The following ECPAS variants were observed in gnomAD, a reference collection of about 807,000 sequenced individuals.
ECPAS encodes Ecm29 proteasome adaptor and scaffold.
ECPAS carries 70 observed loss-of-function variants against 255.1 expected under a neutral mutation model. The ratio of observed to expected loss-of-function variants is 0.27; its 90% CI spans 0.23 to 0.33. ECPAS has a LOEUF of 0.33. Ranked by LOEUF, ECPAS falls within the 10% of genes least tolerant of loss-of-function variation. The pLI, the probability that ECPAS is intolerant of heterozygous loss-of-function variation, is 1.00. For missense variants in ECPAS, 1,817 were observed against 2,206.4 expected (o/e 0.82, Z 3.54); for synonymous variants, 784 against 775.0 (o/e 1.01, Z -0.19).
chr9:111,457,539 T>C (rs1041353034), intron 2 of ECPAS, among the ~76,000 whole-genome samples: 1 of 152,190 alleles, frequency 6.6e-6, no homozygotes, highest in Non-Finnish European at 1.5e-5. Flanking sequence ...ATCAATCTTA[T>C]AAATTTTATG....
intron 32 of ECPAS, among the ~76,000 whole-genome samples, chr9:111,385,819 T>A (rs979852330): frequency 4.6e-5 from 7 of 152,238 alleles, no homozygotes. Flanking sequence ...TCTACCAATT[T>A]AACAGGTAAT....
Position 111,376,522 on chromosome 9 carries a change from C to T in ECPAS, c.3974G>A (p.Arg1325Gln), listed in dbSNP as rs762629589. ...TGGAGAAGATTTGGCAGCACTAAGC[C>T]GAGCACTATCCATCGCAGCCTAAAG... ...EQEKAAMDSA[R>Q]LSAAKSSPMM... The change falls in exon 37 of 50, where the codon CGG becomes CAG. Residue 1325 changes from arginine (R) to glutamine (Q), a missense_variant. Coordinates refer to ENST00000684092, the MANE Select transcript of ECPAS (RefSeq NM_001364929.1). 2 of 1,599,742 alleles carry T rather than the reference C, an allele frequency of 1.3e-6. No individual in the cohort carries two copies. The highest frequency in any genetic ancestry group is 2.3e-5 in the East Asian group (1 of 44,402).
chr9:111,484,212 G>T lies in ECPAS; in HGVS notation c.-179C>A. On this transcript the variant is annotated 5_prime_UTR_variant, in exon 1 of 50. Coordinates refer to ENST00000684092, the MANE Select transcript of ECPAS (RefSeq NM_001364929.1). ...CGTTCGGCGGGCCGGGCCCCGGGGA[G>T]CCGCGCGCCGCAGTCCGTGAGGGGC... 1 of 1,470,112 alleles carries T rather than the reference G, an allele frequency of 6.8e-7. No individual in the cohort carries two copies. The highest frequency in any genetic ancestry group is 9.0e-7 in the Non-Finnish European group (1 of 1,114,582). The allele number at this position is 1,470,112 out of a possible 1,614,324, so 91.1% of individuals were successfully genotyped here.
At chr9:111,362,603 A>C (rs1200257663) in intron 49 of ECPAS, among the ~76,000 whole-genome samples, 2 of 152,216 alleles carry the variant, frequency 1.3e-5, no homozygotes, top group Non-Finnish European at 2.9e-5. Context: ...TCAGATAAAT[A>C]GATGACACTC....
chr9:111,479,757 GA>G (rs2098301588), intron 1 of ECPAS, among the ~76,000 whole-genome samples: 1 of 152,058 alleles, frequency 6.6e-6, no homozygotes, highest in African/African-American at 2.4e-5. Context: ...GAGGTGGGGG[GA>G]TCACGAGGTC....
chr9:111,477,299 C>T (rs577871383), intron 1 of ECPAS, among the ~76,000 whole-genome samples: 2 of 149,788 alleles, frequency 1.3e-5, no homozygotes, highest in African/African-American at 2.5e-5. Context: ...TTAGTAGAGA[C>T]GGGGGTTTCA....
At position 111,436,932 on chromosome 9, in the gene ECPAS, T is replaced by G; in HGVS notation, c.708+8A>C. The G allele has an allele frequency of 6.3e-7, 1 of 1,595,040 alleles. No homozygotes were observed. Among genetic ancestry groups the G allele is most frequent in the Non-Finnish European group, 8.5e-7 (1 of 1,172,654 alleles). On this transcript the variant is annotated splice_region_variant and intron_variant, in intron 7 of 49. Coordinates refer to ENST00000684092, the MANE Select transcript of ECPAS (RefSeq NM_001364929.1). ...CAACTACTATTATGAGCAAGCCTTG[T>G]GTGATACCTGTTCCAATTGTTCAGG...
intron 21 of ECPAS, among the ~76,000 whole-genome samples, chr9:111,411,349 G>A (rs1038946074): frequency 3.3e-5 from 5 of 152,174 alleles, no homozygotes; most frequent in African/African-American, 9.7e-5. Context: ...ATTTTGAGAA[G>A]CTGAATCTTG....
In ECPAS at chr9:111,483,790, T is replaced by TGCCGCC. The variant is rs1047980449; in HGVS notation, c.-83+320_-83+325dup. 163 of 190,308 alleles carry TGCCGCC rather than the reference T, an allele frequency of 8.6e-4. 2 individuals carry two copies. Among genetic ancestry groups the TGCCGCC allele is most frequent in the African/African-American group, 2.8e-3 (117 of 41,370 alleles). 11.8% of individuals were successfully genotyped at this position (190,308 alleles called of 1,614,324 possible). On this transcript the variant is annotated intron_variant, in intron 1 of 49. Coordinates refer to ENST00000684092, the MANE Select transcript of ECPAS (RefSeq NM_001364929.1). ...CGCGCCTCTGCGGAGCCGCTGCCGC[T>TGCCGCC]GCCGCCGCCGCCGTCTGTGCGGCCG...
chr9:111,366,916 T>C (rs962698188), intron 46 of ECPAS, among the ~76,000 whole-genome samples: 1 of 152,178 alleles, frequency 6.6e-6, no homozygotes, highest in African/African-American at 2.4e-5. Flanking sequence ...ATATAATTGT[T>C]CACAAATATT....
chr9:111,455,401 A>G (rs1426771284), intron 2 of ECPAS, among the ~76,000 whole-genome samples: 1 of 152,186 alleles, frequency 6.6e-6, no homozygotes, highest in Admixed American at 6.5e-5. Context: ...GGAGAATGGC[A>G]TGAACCCAGG....
intron 24 of ECPAS, among the ~76,000 whole-genome samples, chr9:111,400,567 G>C (rs145868739): frequency 6.6e-6 from 1 of 152,106 alleles, no homozygotes; most frequent in South Asian, 2.1e-4. Flanking sequence ...ACTTATAAGA[G>C]AAATTTAGTA....
chr9:111,474,367 G>A (rs574127248), intron 1 of ECPAS, among the ~76,000 whole-genome samples: 4 of 152,032 alleles, frequency 2.6e-5, no homozygotes, highest in South Asian at 2.1e-4. Flanking sequence ...CCCTCATCTC[G>A]TCAGCCAACA....
chr9:111,371,540 C>A (rs2098127279), intron 43 of ECPAS, 81 bp downstream of exon 43: 2 of 1,292,522 alleles, frequency 1.5e-6, no homozygotes, highest in Non-Finnish European at 1.1e-6. Context: ...GGAAAAGTTA[C>A]ACAAAACCAG....
In ECPAS at chr9:111,371,089, AC is replaced by A. The variant is rs2098126726; in HGVS notation, c.4738-325del. 2.0e-5 allele frequency among the ~76,000 whole-genome samples: 3 copies of A among 152,298 alleles called. No individual in the cohort carries two copies. In the South Asian group the frequency reaches 6.2e-4, roughly 32 times the overall value. On this transcript the variant is annotated intron_variant, in intron 43 of 49. Coordinates refer to ENST00000684092, the MANE Select transcript of ECPAS (RefSeq NM_001364929.1). ...GTACTACTTCATTCCTGCATGGGCC[AC>A]TATTGACCTTTACAACATAAAGATC...
In ECPAS at chr9:111,436,995, T is replaced by C. The variant is rs781318071; in HGVS notation, c.653A>G (p.Tyr218Cys). Residue 218 changes from tyrosine (Y) to cysteine (C), a missense_variant, in exon 7 of 50, where the codon TAT (tyrosine) becomes TGT (cysteine). Tyr to Cys is a radical substitution (Grantham distance 194, BLOSUM62 -2). This residue lies in a region of ECPAS where 573 missense variants were observed against 716.2 expected (regional missense o/e 0.80). Coordinates refer to ENST00000684092, the MANE Select transcript of ECPAS (RefSeq NM_001364929.1). ...IPQPPPGMSFYAAKRVIGDNP... is the reference protein window; with the variant it reads ...IPQPPPGMSFCAAKRVIGDNP... ...ATCACCAATAACTCGTTTGGCTGCA[T>C]AAAAGCTCATTCCCGGAGGAGGCTG... 3.1e-6 allele frequency: 5 copies of C among 1,613,336 alleles called. No homozygotes were observed. Among genetic ancestry groups the C allele is most frequent in the Non-Finnish European group, 4.2e-6 (5 of 1,179,642 alleles).
At chr9:111,422,310 G>T in intron 13 of ECPAS, 110 bp from the exon 14 acceptor site, 1 of 1,183,216 alleles carries the variant, frequency 8.5e-7, no homozygotes, top group East Asian at 2.5e-5. Flanking sequence ...GACAATGTCA[G>T]CATCATTACC....
rs773200441 is a variant in ECPAS, at chr9:111,383,300, T to A, written c.3714A>T (p.Gly1238=). 8 of 1,612,592 alleles carry A rather than the reference T, an allele frequency of 5.0e-6. No individual in the cohort carries two copies. Among genetic ancestry groups the A allele is most frequent in the Admixed American group, 1.7e-5 (1 of 59,838 alleles). ...VCVKMCDPAK[G]AAGQRTIAAL... is the part of the protein sequence containing the mutation. ...CAGCGATGGTTCTCTGGCCAGCTGC[T>A]CCTTTGGCAGGGTCACACATTTTCA... The change falls in exon 35 of 50, where the codon GGA becomes GGT. Residue 1238 remains glycine, a synonymous_variant. Coordinates refer to ENST00000684092, the MANE Select transcript of ECPAS (RefSeq NM_001364929.1).
intron 2 of ECPAS, among the ~76,000 whole-genome samples, chr9:111,464,182 C>G (rs534639328): frequency 2.0e-4 from 30 of 151,586 alleles, no homozygotes. Flanking sequence ...CCTTTAATCC[C>G]AGCACTTTAG....
Sources: gnomAD v4.1 joint callset for allele counts (sites outside exome capture counted in the v4.1 genomes callset) on GRCh38, gnomAD v4.1.1 for gene constraint, gnomAD v4.1.1 regional missense constraint, MANE v1.5 for transcripts, NCBI Gene and HGNC (gene_info 2026-07-23, HGNC 2026-07-21) for gene names.